LYRM4: variants seen among roughly 807,000 people sequenced by gnomAD.
LYRM4 encodes LYR motif-containing protein 4.
LYRM4 carries 9 observed loss-of-function variants against 11.7 expected under a neutral mutation model. The ratio of observed to expected loss-of-function variants is 0.77; its 90% CI spans 0.46 to 1.34. The LOEUF (loss-of-function observed/expected upper bound fraction) is 1.34. Ranked by LOEUF, LYRM4 falls within the 40% of genes most tolerant of loss-of-function variation. The pLI, the probability that LYRM4 is intolerant of heterozygous loss-of-function variation, is 0.00. For missense variants in LYRM4, 133 were observed against 112.5 expected (o/e 1.18, Z -0.82); for synonymous variants, 42 against 40.4 (o/e 1.04, Z -0.15).
At chr6:5,253,268 A>G (rs2127774694) in intron 1 of LYRM4, among the ~76,000 whole-genome samples, 1 of 152,362 alleles carries the variant, frequency 6.6e-6, no homozygotes, top group South Asian at 2.1e-4. Context: ...AGAGGGATAC[A>G]TTGAATATAA....
chr6:5,176,066 A>AGTT (rs140512571), intron 2 of LYRM4, among the ~76,000 whole-genome samples: 2,178 of 147,250 alleles, frequency 0.015, 65 homozygotes, highest in African/African-American at 0.048. Context: ...TTACGCTATT[A>AGTT]ATTTTTTTTT....
chr6:5,231,679 A>G (rs1344258620), intron 1 of LYRM4, among the ~76,000 whole-genome samples: 1 of 152,204 alleles, frequency 6.6e-6, no homozygotes, highest in Non-Finnish European at 1.5e-5. Context: ...TTGAAAATAC[A>G]CTTAGCCTCT....
At chr6:5,202,591 A>G (rs973575494) in intron 2 of LYRM4, among the ~76,000 whole-genome samples, 6 of 152,204 alleles carry the variant, frequency 3.9e-5, no homozygotes, top group African/African-American at 1.4e-4. Flanking sequence ...ACTTGTTCCA[A>G]CAGGCCTTTC....
chr6:5,142,867 A>G (rs1757481385), intron 2 of LYRM4, among the ~76,000 whole-genome samples: 1 of 152,184 alleles, frequency 6.6e-6, no homozygotes, highest in South Asian at 2.1e-4. Context: ...TTCCCTAAGG[A>G]GAGCGCAGCC....
chr6:5,087,320 C>CT, the LYRM4 span: 1 of 152,236 alleles, frequency 6.6e-6, no homozygotes, highest in African/African-American at 2.4e-5. Context: ...TTTAACAATC[C>CT]TTAAACAACA....
At chr6:5,054,140 A>G in the LYRM4 span, 6 of 985,460 alleles carry the variant, frequency 6.1e-6, no homozygotes, top group Non-Finnish European at 7.2e-6. Context: ...CCATGACCAG[A>G]ATCCCAGTTT....
At chr6:5,181,390 C>T (rs1308208686) in intron 2 of LYRM4, among the ~76,000 whole-genome samples, 7 of 152,202 alleles carry the variant, frequency 4.6e-5, no homozygotes, top group African/African-American at 1.4e-4. Context: ...TGTATTGTGT[C>T]GTCAATGATT....
chr6:5,083,820 G>A, the LYRM4 span, among the ~76,000 whole-genome samples: 1 of 152,124 alleles, frequency 6.6e-6, no homozygotes, highest in South Asian at 2.1e-4. Context: ...AATTAATTAC[G>A]TTTCTTAATT....
intron 2 of LYRM4, among the ~76,000 whole-genome samples, chr6:5,131,429 A>G (rs528559954): frequency 3.9e-5 from 6 of 152,228 alleles, no homozygotes; most frequent in Non-Finnish European, 8.8e-5. Context: ...GCTGGGTGCA[A>G]TGGCTCACGC....
downstream of LYRM4, chr6:5,106,300 G>C (rs1762662763): frequency 6.6e-6 from 1 of 152,258 alleles, no homozygotes; most frequent in Non-Finnish European, 1.5e-5. Flanking sequence ...ATAAATGAAT[G>C]AGTGAAAGGG....
chr6:5,245,154 ATATATAT>A (rs1561899200), intron 1 of LYRM4, among the ~76,000 whole-genome samples: 34 of 103,854 alleles, frequency 3.3e-4, no homozygotes, highest in African/African-American at 7.9e-4. Flanking sequence ...ATATATATAT[ATATATAT>A]ATAAAATAGG....
chr6:5,109,070 G>C lies in LYRM4; in HGVS notation c.*353C>G. The C allele has an allele frequency of 2.8e-5, 30 of 1,059,280 alleles. No homozygotes were observed. The highest frequency in any genetic ancestry group is 3.4e-5 in the Non-Finnish European group (30 of 874,120). 65.6% of individuals were successfully genotyped at this position (1,059,280 alleles called of 1,614,324 possible). A position where few individuals can be genotyped will look rare whatever the true frequency, so the allele number is the denominator to read the frequency against. ...GGGAGGGGTTTATCTGGGGTCAAAG[G>C]CTCAGGGAGATCATTCTTTTTATTG... is the stretch of plus-strand genomic sequence containing the variant. On this transcript the variant is annotated 3_prime_UTR_variant, in exon 3 of 3. Coordinates refer to ENST00000330636, the MANE Select transcript of LYRM4 (RefSeq NM_020408.6).
At chr6:5,208,145 C>T (rs982874703) in intron 2 of LYRM4, among the ~76,000 whole-genome samples, 3 of 152,174 alleles carry the variant, frequency 2.0e-5, no homozygotes, top group Non-Finnish European at 4.4e-5. Flanking sequence ...GTGTGGAGTA[C>T]AGTGTGTGGT....
intron 2 of LYRM4, among the ~76,000 whole-genome samples, chr6:5,179,535 T>A (rs1188432850): frequency 6.6e-6 from 1 of 152,368 alleles, no homozygotes; most frequent in South Asian, 2.1e-4. Context: ...TGTTCTTTTG[T>A]GCCTGGCTTA....
chr6:5,162,641 T>C (rs921243929), intron 2 of LYRM4, among the ~76,000 whole-genome samples: 13 of 152,244 alleles, frequency 8.5e-5, no homozygotes, highest in Admixed American at 8.5e-4. Context: ...TTTCCTGCTG[T>C]TGCATCCTTT....
intron 2 of LYRM4, among the ~76,000 whole-genome samples, chr6:5,151,259 A>T (rs1758072892): frequency 6.6e-6 from 1 of 151,568 alleles, no homozygotes; most frequent in South Asian, 2.1e-4. Context: ...AATTTTTTGT[A>T]TTTTTAGTAG....
At chr6:5,085,682 C>T in the LYRM4 span, 2 of 1,547,978 alleles carry the variant, frequency 1.3e-6, no homozygotes, top group Non-Finnish European at 1.7e-6. Context: ...GAAGAGGCCG[C>T]CCCCCAGGAG....
the LYRM4 span, chr6:5,087,429 C>T: frequency 6.6e-6 from 1 of 152,278 alleles, no homozygotes; most frequent in Non-Finnish European, 1.5e-5. Context: ...TTCCGTCCCC[C>T]TCCGAATTAA....
At chr6:5,182,177 T>G (rs886946094) in intron 2 of LYRM4, among the ~76,000 whole-genome samples, 4 of 152,248 alleles carry the variant, frequency 2.6e-5, no homozygotes, top group Admixed American at 2.0e-4. Flanking sequence ...TTTTTTCTTT[T>G]GTTTTTAACT....
Sources: allele counts gnomAD v4.1 joint callset (sites outside exome capture counted in the v4.1 genomes callset), GRCh38; gene constraint gnomAD v4.1.1; transcripts MANE v1.5; gene names NCBI Gene and HGNC (gene_info 2026-07-23, HGNC 2026-07-21).